The following KAT7 variants were observed in gnomAD, a reference collection of about 807,000 sequenced individuals.
KAT7 encodes lysine acetyltransferase 7, also known as histone acetyltransferase KAT7.
In KAT7, 10 loss-of-function variants were observed where a neutral mutation model predicts 82.1. The ratio of observed to expected loss-of-function variants is 0.12; its 90% CI spans 0.08 to 0.21. The LOEUF (loss-of-function observed/expected upper bound fraction) is 0.21. Ranked by LOEUF, KAT7 falls within the 10% of genes least tolerant of loss-of-function variation. The pLI, the probability that KAT7 is intolerant of heterozygous loss-of-function variation, is 1.00. For synonymous variants in KAT7, 250 were observed against 262.5 expected, an observed-to-expected ratio of 0.95 and a Z score of 0.46; for missense variants, 378 against 760.9, an observed-to-expected ratio of 0.50 and a Z score of 5.92.
In KAT7 at chr17:49,831,219, T is replaced by C. The variant is rs1400712592; in HGVS notation, c.*3717T>C. The C allele has an allele frequency of 6.6e-6, 1 of 152,250 alleles. No individual in the cohort carries two copies. Among genetic ancestry groups the C allele is most frequent in the Non-Finnish European group, 1.5e-5 (1 of 68,104 alleles). The allele number at this position is 152,250 out of a possible 1,614,324, so 9.4% of individuals were successfully genotyped here. On this transcript the variant is annotated 3_prime_UTR_variant, in exon 15 of 15. Coordinates refer to ENST00000259021, the MANE Select transcript of KAT7 (RefSeq NM_007067.5). ...TGAACCTGGGAGGCAGAAGTTGCAA[T>C]GAGCTGAGATGATGCCACTGCACTC...
Position 49,788,819 on chromosome 17 carries a change from G to A in KAT7, c.-16G>A. 1.3e-6 allele frequency: 2 copies of A among 1,582,692 alleles called. No homozygotes were observed. The highest frequency in any genetic ancestry group is 1.7e-6 in the Non-Finnish European group (2 of 1,164,492). ...CCGCTGCCCGAATCGGAACCGTCGGGCCGCAGCCGCCGGCAATGCCGCGAA... is the reference window on the plus strand; with the variant it reads ...CCGCTGCCCGAATCGGAACCGTCGGACCGCAGCCGCCGGCAATGCCGCGAA... On this transcript the variant is annotated 5_prime_UTR_variant, in exon 1 of 15. Transcript: ENST00000259021.
intron 7 of KAT7, among the ~76,000 whole-genome samples, chr17:49,812,450 CCT>C (rs746782947): frequency 1.3e-5 from 2 of 152,082 alleles, no homozygotes; most frequent in Non-Finnish European, 2.9e-5. Flanking sequence ...GTCTCGAACT[CCT>C]GACCTCAGGT....
rs373486085 is a variant in KAT7, at chr17:49,809,770, C to G, written c.753+562C>G. Among the ~76,000 whole-genome samples the G allele has an allele frequency of 6.7e-4, 102 of 152,324 alleles. 2 individuals carry two copies. The South Asian group carries it at 0.02, about 29-fold the overall frequency. On this transcript the variant is annotated intron_variant, in intron 6 of 14. Coordinates refer to ENST00000259021, the MANE Select transcript of KAT7 (RefSeq NM_007067.5). Reference sequence around the variant, plus strand: ...ACTCTTCCTGTTTTCCTGCCTGGAACGCTATACCTGTACCAAGAACAGATG... The same window carrying G: ...ACTCTTCCTGTTTTCCTGCCTGGAAGGCTATACCTGTACCAAGAACAGATG...
chr17:49,827,598 G>A lies in KAT7; in HGVS notation c.*96G>A. 1.3e-6 allele frequency: 1 copy of A among 777,686 alleles called. No homozygotes were observed. The highest frequency in any genetic ancestry group is 2.2e-6 in the Non-Finnish European group (1 of 444,856). 48.2% of individuals were successfully genotyped at this position (777,686 alleles called of 1,614,324 possible). On this transcript the variant is annotated 3_prime_UTR_variant, in exon 15 of 15. Transcript: ENST00000259021. ...TCTCTGTTGCTCTTGTGATTGGCAA[G>A]TACAGTATCCTTTGGGAAGGCCATC...
intron 4 of KAT7, 36 bp from the exon 5 acceptor site, chr17:49,805,324 GTCT>G: frequency 7.2e-7 from 1 of 1,383,370 alleles, no homozygotes; most frequent in Non-Finnish European, 1.0e-6. Flanking sequence ...TTCTAAGCTT[GTCT>G]TCTTTCTTGA....
At chr17:49,788,977 C>T (rs761243570) in intron 1 of KAT7, 128 bp downstream of exon 1, 18 of 872,560 alleles carry the variant, frequency 2.1e-5, no homozygotes, top group Non-Finnish European at 3.1e-5. Context: ...TTCAGCTACC[C>T]TCTCTTCTGT....
chr17:49,825,714 G>A (rs1480315949), intron 12 of KAT7, among the ~76,000 whole-genome samples: 2 of 152,146 alleles, frequency 1.3e-5, no homozygotes, highest in Non-Finnish European at 1.5e-5. Flanking sequence ...GTATATATAG[G>A]ATTTGGTACT....
In KAT7 at chr17:49,801,652, G is replaced by A. The variant is rs112079310; in HGVS notation, c.580+3094G>A. ...CTACAGGCACATGCCACCATGCTCA[G>A]CTAATATTTGTATTTATTGTAGAGA... On this transcript the variant is annotated intron_variant, in intron 4 of 14. Coordinates refer to ENST00000259021, the MANE Select transcript of KAT7 (RefSeq NM_007067.5). Among the ~76,000 whole-genome samples the A allele has an allele frequency of 1.6e-3, 236 of 152,098 alleles. 2 individuals carry two copies. The highest frequency in any genetic ancestry group is 4.8e-3 in the East Asian group (25 of 5,164).
chr17:49,807,881 T>C (rs1204316298), intron 5 of KAT7, among the ~76,000 whole-genome samples: 1 of 152,132 alleles, frequency 6.6e-6, no homozygotes, highest in Non-Finnish European at 1.5e-5. Flanking sequence ...GGATCAGCTA[T>C]TTAGACAGTA....
chr17:49,825,071 TTTAG>T (rs1431284431), intron 12 of KAT7, among the ~76,000 whole-genome samples: 1 of 152,176 alleles, frequency 6.6e-6, no homozygotes, highest in African/African-American at 2.4e-5. Flanking sequence ...ATAATTCACT[TTTAG>T]TCTAAAACTT....
At chr17:49,796,952 C>T (rs755641140) in intron 3 of KAT7, 26 bp downstream of exon 3, 4 of 1,601,394 alleles carry the variant, frequency 2.5e-6, no homozygotes, top group Admixed American at 3.3e-5. Context: ...ATGACTTAGA[C>T]CTATTACAGA....
intron 4 of KAT7, among the ~76,000 whole-genome samples, chr17:49,799,322 G>A (rs1042614697): frequency 1.3e-5 from 2 of 152,168 alleles, no homozygotes; most frequent in Non-Finnish European, 2.9e-5. Flanking sequence ...TTGAAAAACC[G>A]TAGAACAGAG....
Position 49,830,403 on chromosome 17 carries a change from AG to A in KAT7, c.*2902del, listed in dbSNP as rs2074415832. 6.6e-6 allele frequency: 1 copy of A among 151,548 alleles called. No homozygotes were observed. The highest frequency in any genetic ancestry group is 1.5e-5 in the Non-Finnish European group (1 of 67,910). The allele number at this position is 151,548 out of a possible 1,614,324, so 9.4% of individuals were successfully genotyped here. A position where few individuals can be genotyped will look rare whatever the true frequency, so the allele number is the denominator to read the frequency against. ...AGGGTTTTGCCATGTTGGCCAGGCC[AG>A]TCTCAAACTCTTGACCTCAAGTGAT... is the stretch of plus-strand genomic sequence containing the variant. On this transcript the variant is annotated 3_prime_UTR_variant, in exon 15 of 15. Coordinates refer to ENST00000259021, the MANE Select transcript of KAT7 (RefSeq NM_007067.5).
intron 5 of KAT7, among the ~76,000 whole-genome samples, chr17:49,806,236 T>C (rs575940714): frequency 8.3e-4 from 126 of 152,328 alleles, no homozygotes; most frequent in African/African-American, 2.8e-3. Flanking sequence ...CCAATTTCAT[T>C]GTGAGGAAAA....
chr17:49,825,615 T>C (rs906876108), intron 12 of KAT7, among the ~76,000 whole-genome samples: 9 of 152,264 alleles, frequency 5.9e-5, no homozygotes, highest in African/African-American at 1.9e-4. Context: ...TATATTGTTA[T>C]AATTGTTCTG....
rs2143900579 is a variant in KAT7, at chr17:49,805,542, G to C, written c.663+97G>C. On this transcript the variant is annotated intron_variant, in intron 5 of 14. Transcript: ENST00000259021. Reference sequence around the variant, plus strand: ...CTGGGGATACAGTGGCCAACAAGATGGGTAGGGTCCTTGTTCTTACATTGT... The same window carrying C: ...CTGGGGATACAGTGGCCAACAAGATCGGTAGGGTCCTTGTTCTTACATTGT... The C allele has an allele frequency of 5.4e-6, 4 of 746,384 alleles. No individual in the cohort carries two copies. The South Asian group carries it at 7.1e-5, about 13-fold the overall frequency. 46.2% of individuals were successfully genotyped at this position (746,384 alleles called of 1,614,324 possible). A position where few individuals can be genotyped will look rare whatever the true frequency, so the allele number is the denominator to read the frequency against.
intron 7 of KAT7, among the ~76,000 whole-genome samples, chr17:49,812,234 CTTTT>C (rs35069050): frequency 2.5e-5 from 3 of 119,126 alleles, no homozygotes; most frequent in Admixed American, 9.3e-5. Context: ...GCTTAAAAAT[CTTTT>C]TTTTTTTTTT....
At chr17:49,796,306 T>G (rs1263840240) in intron 2 of KAT7, among the ~76,000 whole-genome samples, 2 of 152,242 alleles carry the variant, frequency 1.3e-5, no homozygotes, top group Admixed American at 1.3e-4. Flanking sequence ...AAGGGAAGAA[T>G]GAGAGGATGC....
intron 8 of KAT7, among the ~76,000 whole-genome samples, chr17:49,816,117 A>G (rs1419127873): frequency 1.3e-5 from 2 of 151,402 alleles, no homozygotes; most frequent in Non-Finnish European, 2.9e-5. Flanking sequence ...TCCTTTTTTT[A>G]TTCCCTGCTT....
Sources: allele counts gnomAD v4.1 joint callset (sites outside exome capture counted in the v4.1 genomes callset), GRCh38; gene constraint gnomAD v4.1.1; transcripts MANE v1.5; gene names NCBI Gene and HGNC (gene_info 2026-07-23, HGNC 2026-07-21).